MAPKAPK3: variants seen among roughly 807,000 people sequenced by gnomAD.
MAPKAPK3 encodes the protein MAP kinase-activated protein kinase 3.
In MAPKAPK3, 35 loss-of-function variants were observed where a neutral mutation model predicts 49.2. That is an observed-to-expected ratio of 0.71 (90% CI 0.54 to 0.94). MAPKAPK3 has a LOEUF of 0.94. Among genes scored for constraint, MAPKAPK3 ranks in the 40% least tolerant of loss-of-function variants. The pLI is 0.00. For missense variants in MAPKAPK3, 398 were observed against 493.1 expected (o/e 0.81, Z 1.83); for synonymous variants, 178 against 188.7 (o/e 0.94, Z 0.46).
intron 1 of MAPKAPK3, 67 bp downstream of exon 1, chr3:50,617,308 C>T (rs1340411378): frequency 2.6e-6 from 1 of 385,030 alleles, no homozygotes; most frequent in African/African-American, 2.1e-5. Flanking sequence ...GCGCCCGGCC[C>T]CTTCCCTTCT....
chr3:50,633,091 A>ATGGAGTC (rs59414747), intron 2 of MAPKAPK3, among the ~76,000 whole-genome samples: 2 of 151,882 alleles, frequency 1.3e-5, no homozygotes, highest in African/African-American at 2.4e-5. Context: ...TGCCATGGTG[A>ATGGAGTC]CCAGTGGGAG....
chr3:50,642,329 C>G lies in MAPKAPK3; in HGVS notation c.501C>G (p.Val167=). 6.2e-7 allele frequency: 1 copy of G among 1,611,624 alleles called. No individual in the cohort carries two copies. Among genetic ancestry groups the G allele is most frequent in the Non-Finnish European group, 8.5e-7 (1 of 1,179,252 alleles). ...GCCATAACATTGCCCACCGAGATGT[C>G]AAGGTGAGGCTCCAGGATTCAGGTT... ...LHSHNIAHRD[V]KPENLLYTSK... Residue 167 remains valine, a synonymous_variant, in exon 5 of 11, where the codon GTC becomes GTG. Coordinates refer to ENST00000621469, the MANE Select transcript of MAPKAPK3 (RefSeq NM_001243925.2).
intron 2 of MAPKAPK3, among the ~76,000 whole-genome samples, chr3:50,623,556 C>T (rs2032662864): frequency 6.6e-6 from 1 of 152,214 alleles, no homozygotes. Flanking sequence ...CTGATACCCC[C>T]ATAAACGGCT....
In MAPKAPK3 at chr3:50,643,103, C is replaced by T. The variant is rs958515143; in HGVS notation, c.504+771C>T. On this transcript the variant is annotated intron_variant, in intron 5 of 10. Transcript: ENST00000621469. ...CTGACCTTAGGTAATCCGCCCGCCTCGGCCTCGAAAAGTGCTGGGATTACA... is the reference window on the plus strand; with the variant it reads ...CTGACCTTAGGTAATCCGCCCGCCTTGGCCTCGAAAAGTGCTGGGATTACA... 7.9e-5 allele frequency among the ~76,000 whole-genome samples: 12 copies of T among 152,252 alleles called. No individual in the cohort carries two copies. In the South Asian group the frequency reaches 1.9e-3, roughly 24 times the overall value.
rs1007559882 is a variant in MAPKAPK3, at chr3:50,648,297, C to T, written c.*251C>T. 8 of 456,870 alleles carry T rather than the reference C, an allele frequency of 1.8e-5. No individual in the cohort carries two copies. The highest frequency in any genetic ancestry group is 1.2e-4 in the African/African-American group (6 of 50,680). 28.3% of individuals were successfully genotyped at this position (456,870 alleles called of 1,614,324 possible). On this transcript the variant is annotated 3_prime_UTR_variant, in exon 11 of 11. Coordinates refer to ENST00000621469, the MANE Select transcript of MAPKAPK3 (RefSeq NM_001243925.2). The stretch of plus-strand genomic sequence containing the variant: ...GAGCTGCCTGCTGCCATAGCAGCAC[C>T]TTTAGCTAGGTTGGCCCGAGTGAGG...
intron 2 of MAPKAPK3, among the ~76,000 whole-genome samples, chr3:50,632,504 T>C (rs1021048032): frequency 1.3e-5 from 2 of 152,228 alleles, no homozygotes; most frequent in African/African-American, 4.8e-5. Context: ...GCAGAAATAA[T>C]GGTGCTTGGA....
At chr3:50,642,412 C>T in intron 5 of MAPKAPK3, 80 bp downstream of exon 5, 2 of 1,030,338 alleles carry the variant, frequency 1.9e-6, no homozygotes, top group East Asian at 2.4e-5. Context: ...CATCCAGGAC[C>T]CACTGGATGG....
rs1378637606 is a variant in MAPKAPK3 at position 50,617,589 on chromosome 3, G to A, written c.24G>A (p.Glu8=). ...CCATGGATGGTGAAACAGCAGAGGA[G>A]CAGGGGGGCCCTGTGCCCCCGCCAG... is the stretch of plus-strand genomic sequence containing the variant. MDGETAE[E]QGGPVPPPVA... The change falls in exon 2 of 11, where the codon GAG becomes GAA. Residue 8 remains glutamate (E), a synonymous_variant. Coordinates refer to ENST00000621469, the MANE Select transcript of MAPKAPK3 (RefSeq NM_001243925.2). 3 of 1,585,680 alleles carry A rather than the reference G, an allele frequency of 1.9e-6. No homozygotes were observed. Among genetic ancestry groups the A allele is most frequent in the Non-Finnish European group, 2.6e-6 (3 of 1,157,420 alleles).
At chr3:50,626,369 C>T (rs1016305891) in intron 2 of MAPKAPK3, among the ~76,000 whole-genome samples, 1 of 152,140 alleles carries the variant, frequency 6.6e-6, no homozygotes, top group Non-Finnish European at 1.5e-5. Flanking sequence ...GTGAGCTGCA[C>T]CTGCACTAGC....
intron 1 of MAPKAPK3, 114 bp from the exon 2 acceptor site, chr3:50,617,396 CCGTT>C: frequency 3.4e-6 from 2 of 580,878 alleles, no homozygotes; most frequent in South Asian, 4.4e-5. Context: ...TACTCTCAGG[CCGTT>C]CGTCCCGCAC....
intron 2 of MAPKAPK3, among the ~76,000 whole-genome samples, chr3:50,618,344 G>T (rs905766191): frequency 6.6e-6 from 1 of 152,174 alleles, no homozygotes; most frequent in Non-Finnish European, 1.5e-5. Flanking sequence ...CTGACGAGTC[G>T]CTGGTCCCGT....
At chr3:50,611,634 T>C (rs1185678890), upstream of MAPKAPK3, 4 of 1,512,704 alleles carry the variant, frequency 2.6e-6, no homozygotes, top group Admixed American at 2.2e-5. Context: ...CGCTTACCCC[T>C]GAACGCAGAG....
chr3:50,633,146 C>T (rs2032953491), intron 2 of MAPKAPK3, among the ~76,000 whole-genome samples: 1 of 152,106 alleles, frequency 6.6e-6, no homozygotes, highest in African/African-American at 2.4e-5. Context: ...CCTTCTTGCA[C>T]AGGCTGTCTT....
chr3:50,646,659 C>A, intron 8 of MAPKAPK3, 81 bp from the exon 9 acceptor site: 2 of 1,267,214 alleles, frequency 1.6e-6, no homozygotes, highest in Non-Finnish European at 2.3e-6. Context: ...CCTGCCCCAG[C>A]AGAGCTTGTG....
rs1465313486 is a variant in MAPKAPK3, at chr3:50,642,257, T to C, written c.429T>C (p.Ala143=). 8.1e-6 allele frequency: 13 copies of C among 1,612,316 alleles called. No individual in the cohort carries two copies. Among genetic ancestry groups the C allele is most frequent in the Non-Finnish European group, 1.1e-5 (13 of 1,178,536 alleles). ...CCTCCTCCTCTGTTTCTGCAGAAGC[T>C]GCAGAGATAATGCGGGATATTGGCA... is the stretch of plus-strand genomic sequence containing the variant. ...RGDQAFTERE[A]AEIMRDIGTA... Residue 143 remains alanine, a synonymous_variant, in exon 5 of 11, where the codon GCT becomes GCC. Coordinates refer to ENST00000621469, the MANE Select transcript of MAPKAPK3 (RefSeq NM_001243925.2).
intron 2 of MAPKAPK3, among the ~76,000 whole-genome samples, chr3:50,625,263 G>A (rs1189849132): frequency 6.6e-6 from 1 of 152,162 alleles, no homozygotes; most frequent in East Asian, 1.9e-4. Context: ...ATTTGGGGTG[G>A]CCTGGGTGCA....
upstream of MAPKAPK3, among the ~76,000 whole-genome samples, chr3:50,614,500 A>AGTGTGTGTGTGTGT (rs3066739): frequency 2.7e-3 from 370 of 138,938 alleles, 5 homozygotes; most frequent in African/African-American, 9.0e-3. Flanking sequence ...GTAAGGACAG[A>AGTGTGTGTGTGTGT]GTGTGTGTGT....
At chr3:50,617,456 C>G in intron 1 of MAPKAPK3, 58 bp from the exon 2 acceptor site, 1 of 635,504 alleles carries the variant, frequency 1.6e-6, no homozygotes. Context: ...TCAGAGGCTC[C>G]AAGGCTGGGG....
upstream of MAPKAPK3, chr3:50,611,751 G>C: frequency 7.3e-7 from 1 of 1,378,442 alleles, no homozygotes; most frequent in Non-Finnish European, 9.4e-7. Context: ...GGCTCCCGGG[G>C]CGCGCGGGCG....
Sources: gnomAD v4.1 joint callset for allele counts (sites outside exome capture counted in the v4.1 genomes callset) on GRCh38, gnomAD v4.1.1 for gene constraint, MANE v1.5 for transcripts, NCBI Gene and HGNC (gene_info 2026-07-23, HGNC 2026-07-21) for gene names.